Variants in SERINC5 observed in about 807,000 individuals in gnomAD.
SERINC5 encodes the protein serine incorporator 5, also known as chromosome 5 open reading frame 12.
In SERINC5, 41 loss-of-function variants were observed where a neutral mutation model predicts 63.1. That is an observed-to-expected ratio of 0.65 (90% CI 0.51 to 0.84). The LOEUF (loss-of-function observed/expected upper bound fraction) is 0.84. SERINC5 is among the 40% of genes least tolerant of loss of function. SERINC5 has a pLI of 0.00. For missense variants in SERINC5, 523 were observed against 573.0 expected (o/e 0.91, Z 0.89); for synonymous variants, 222 against 215.2 (o/e 1.03, Z -0.28).
At chr5:80,245,985 AAAG>A (rs1464303507) in intron 1 of SERINC5, among the ~76,000 whole-genome samples, 5 of 143,378 alleles carry the variant, frequency 3.5e-5, no homozygotes, top group East Asian at 1.9e-4. Context: ...AAAAAAAAAA[AAAG>A]AGTAACAGCT....
At chr5:80,216,873 T>C (rs187731496) in intron 1 of SERINC5, among the ~76,000 whole-genome samples, 4 of 151,974 alleles carry the variant, frequency 2.6e-5, no homozygotes, top group African/African-American at 9.7e-5. Flanking sequence ...TAGCCAGGCA[T>C]GGTGACACAA....
intron 1 of SERINC5, among the ~76,000 whole-genome samples, chr5:80,249,836 A>T (rs760679846): frequency 2.6e-5 from 4 of 152,078 alleles, no homozygotes; most frequent in Non-Finnish European, 4.4e-5. Context: ...ATAAATATTA[A>T]ATATAAGTAA....
intron 2 of SERINC5, among the ~76,000 whole-genome samples, chr5:80,200,895 A>C (rs891155962): frequency 6.6e-6 from 1 of 151,760 alleles, no homozygotes; most frequent in East Asian, 1.9e-4. Context: ...GGAGTTCCAG[A>C]CCAGCCCAGC....
intron 1 of SERINC5, among the ~76,000 whole-genome samples, chr5:80,219,951 G>A (rs1208702671): frequency 1.3e-5 from 2 of 152,110 alleles, no homozygotes; most frequent in African/African-American, 2.4e-5. Flanking sequence ...GCTCACGCCT[G>A]TAATCCCAGC....
chr5:80,221,115 G>T (rs1209919369), intron 1 of SERINC5, among the ~76,000 whole-genome samples: 1 of 152,166 alleles, frequency 6.6e-6, no homozygotes, highest in Non-Finnish European at 1.5e-5. Flanking sequence ...GGGGGCTCAT[G>T]AACAGCTGCC....
chr5:80,174,839 G>A (rs2112405782), intron 5 of SERINC5, 115 bp downstream of exon 5: 1 of 613,258 alleles, frequency 1.6e-6, no homozygotes, highest in Non-Finnish European at 2.9e-6. Context: ...GTACAAAAAA[G>A]CAGGTATAAA....
At chr5:80,181,741 A>T (rs913921189) in intron 2 of SERINC5, among the ~76,000 whole-genome samples, 2 of 152,170 alleles carry the variant, frequency 1.3e-5, no homozygotes, top group Non-Finnish European at 2.9e-5. Flanking sequence ...GTAGATAAAC[A>T]AGCACAGTCT....
At position 80,150,942 on chromosome 5, in the gene SERINC5, T is replaced by C; in HGVS notation, c.993A>G (p.Thr331=). Residue 331 remains threonine, a synonymous_variant, in exon 9 of 12, where the codon ACA becomes ACG. Transcript: ENST00000507668. ...LIGCILYSCL[T]STTRSSSDAL... is the part of the protein sequence containing the mutation. ...CGTCAGAACTCGATCTTGTTGTTGATGTCAAACTAAGAAACAGACAAAAAC... is the reference window on the plus strand; with the variant it reads ...CGTCAGAACTCGATCTTGTTGTTGACGTCAAACTAAGAAACAGACAAAAAC... 1 of 1,613,034 alleles carries C rather than the reference T, an allele frequency of 6.2e-7. No homozygotes were observed. Among genetic ancestry groups the C allele is most frequent in the Non-Finnish European group, 8.5e-7 (1 of 1,179,012 alleles).
rs974741875 is a variant in SERINC5, at chr5:80,140,928, C to G, written c.*2735G>C. 5.2e-5 allele frequency: 51 copies of G among 985,158 alleles called. No homozygotes were observed. Among genetic ancestry groups the G allele is most frequent in the Non-Finnish European group, 5.5e-5 (46 of 829,842 alleles). 61.0% of individuals were successfully genotyped at this position (985,158 alleles called of 1,614,324 possible). ...ACAAAAAGGTGTAGGAAGCAAATGT[C>G]TATTATTTTTAAAAGATATCAGTGA... On this transcript the variant is annotated 3_prime_UTR_variant, in exon 12 of 12. Coordinates refer to ENST00000507668, the MANE Select transcript of SERINC5 (RefSeq NM_001174072.3).
intron 1 of SERINC5, among the ~76,000 whole-genome samples, chr5:80,230,068 C>T (rs1163578342): frequency 6.6e-6 from 1 of 152,098 alleles, no homozygotes; most frequent in African/African-American, 2.4e-5. Flanking sequence ...TCAGGAAATT[C>T]CCAGGGCAGA....
At chr5:80,200,031 G>T (rs561840354) in intron 2 of SERINC5, among the ~76,000 whole-genome samples, 2 of 152,206 alleles carry the variant, frequency 1.3e-5, no homozygotes, top group African/African-American at 2.4e-5. Context: ...GGTGGCTCAC[G>T]CCTGTAGTCC....
intron 1 of SERINC5, among the ~76,000 whole-genome samples, chr5:80,247,067 T>G (rs1186531391): frequency 6.6e-6 from 1 of 152,222 alleles, no homozygotes; most frequent in Non-Finnish European, 1.5e-5. Context: ...ATTAGGCAGG[T>G]ATGGCCACTT....
chr5:80,177,450 G>A (rs1487079383), intron 3 of SERINC5, 53 bp from the exon 4 acceptor site: 16 of 1,403,926 alleles, frequency 1.1e-5, no homozygotes, highest in East Asian at 2.3e-5. Flanking sequence ...CATTCAAGAA[G>A]GACAAAGGAC....
At chr5:80,255,844 T>C (rs1449037116) in intron 1 of SERINC5, 52 bp downstream of exon 1, 2 of 1,575,664 alleles carry the variant, frequency 1.3e-6, no homozygotes, top group Non-Finnish European at 8.6e-7. Flanking sequence ...CCTGGACTCC[T>C]GGCCCGGTTC....
intron 8 of SERINC5, chr5:80,157,508 T>G (rs1354739721): frequency 6.7e-6 from 1 of 148,972 alleles, no homozygotes; most frequent in Non-Finnish European, 1.5e-5. Flanking sequence ...CACAGGCACG[T>G]GCCATCACGC....
intron 1 of SERINC5, among the ~76,000 whole-genome samples, chr5:80,214,897 CA>C (rs1750596544): frequency 6.6e-6 from 1 of 151,954 alleles, no homozygotes; most frequent in Non-Finnish European, 1.5e-5. Flanking sequence ...AACTCCATCT[CA>C]AAACAGTAGT....
At chr5:80,188,282 CAAAAAAAAAAAA>C (rs34863168) in intron 2 of SERINC5, among the ~76,000 whole-genome samples, 3 of 82,794 alleles carry the variant, frequency 3.6e-5, no homozygotes, top group Non-Finnish European at 7.2e-5. Context: ...GACTCCGTCT[CAAAAAAAAAAAA>C]AAAAAAAAAA....
At chr5:80,214,471 T>A (rs1249709428) in intron 1 of SERINC5, among the ~76,000 whole-genome samples, 2 of 151,704 alleles carry the variant, frequency 1.3e-5, no homozygotes, top group African/African-American at 4.8e-5. Flanking sequence ...GTTAAATGCA[T>A]CAGACAATGA....
chr5:80,133,966 A>G (rs991627270), downstream of SERINC5, among the ~76,000 whole-genome samples: 2 of 152,194 alleles, frequency 1.3e-5, no homozygotes, highest in African/African-American at 4.8e-5. Context: ...CAATTTATCA[A>G]TCTGGTTAGG....
Sources: gnomAD v4.1 joint callset for allele counts (sites outside exome capture counted in the v4.1 genomes callset) on GRCh38, gnomAD v4.1.1 for gene constraint, MANE v1.5 for transcripts, NCBI Gene and HGNC (gene_info 2026-07-23, HGNC 2026-07-21) for gene names.